The following OPRD1 variants were observed in gnomAD, a reference collection of about 807,000 sequenced individuals.
The protein encoded by OPRD1 is delta-type opioid receptor.
A neutral mutation model predicts 17.5 loss-of-function variants in OPRD1; 19 were observed. The observed-to-expected ratio is 1.09, with a 90% CI of 0.76 to 1.60. The LOEUF is 1.60. OPRD1 is among the 40% of genes most tolerant of loss of function. OPRD1 has a pLI of 0.00. For synonymous variants in OPRD1, 256 were observed against 240.9 expected, an observed-to-expected ratio of 1.06 and a Z score of -0.58; for missense variants, 483 against 547.2, an observed-to-expected ratio of 0.88 and a Z score of 1.17.
chr1:28,830,207 A>G (rs1300399460), intron 1 of OPRD1, among the ~76,000 whole-genome samples: 4 of 152,022 alleles, frequency 2.6e-5, no homozygotes, highest in Non-Finnish European at 5.9e-5. Context: ...TGGCACTCCA[A>G]AACAATTACA....
chr1:28,816,932 G>A (rs888895327), intron 1 of OPRD1, among the ~76,000 whole-genome samples: 2 of 152,062 alleles, frequency 1.3e-5, no homozygotes, highest in East Asian at 1.9e-4. Context: ...TGGGTGGCCC[G>A]ACCCAGAACC....
At chr1:28,862,686 C>T in intron 2 of OPRD1, 56 bp from the exon 3 acceptor site, 2 of 1,515,198 alleles carry the variant, frequency 1.3e-6, no homozygotes, top group East Asian at 2.3e-5. Context: ...AGGTGGGGGC[C>T]CCTTAGGCAC....
At chr1:28,848,947 C>T (rs2088976086) in intron 1 of OPRD1, among the ~76,000 whole-genome samples, 1 of 152,130 alleles carries the variant, frequency 6.6e-6, no homozygotes. Flanking sequence ...AGTACTGGGA[C>T]TGTTAGGCAC....
At position 28,864,135 on chromosome 1, in the gene OPRD1, G is replaced by C. The variant is rs1459195857; in HGVS notation, c.*852G>C. 1 of 152,324 alleles carries C rather than the reference G, an allele frequency of 6.6e-6. No individual in the cohort carries two copies. The highest frequency in any genetic ancestry group is 1.9e-4 in the East Asian group (1 of 5,186). The allele number at this position is 152,324 out of a possible 1,614,324, so 9.4% of individuals were successfully genotyped here. On this transcript the variant is annotated 3_prime_UTR_variant, in exon 3 of 3. Transcript: ENST00000234961. ...AATACAAAATTAGCCAGGCATGGTG[G>C]TGTGTACCTGCAGGCCTAGCTCCTT... is the stretch of plus-strand genomic sequence containing the variant.
intron 1 of OPRD1, among the ~76,000 whole-genome samples, chr1:28,844,961 G>T (rs1423044324): frequency 5.3e-5 from 8 of 152,022 alleles, no homozygotes; most frequent in Admixed American, 5.2e-4. Flanking sequence ...GGAGAGACTG[G>T]TCTCAAACTC....
chr1:28,831,193 C>G (rs950772998), intron 1 of OPRD1, among the ~76,000 whole-genome samples: 11 of 152,200 alleles, frequency 7.2e-5, no homozygotes, highest in Non-Finnish European at 1.2e-4. Context: ...CTCCTTCCAC[C>G]TGCCTAGGCC....
rs1043906197 is a variant in OPRD1 at position 28,868,317 on chromosome 1, TTAA to T, written c.*5038_*5040del. On this transcript the variant is annotated 3_prime_UTR_variant, in exon 3 of 3. Transcript: ENST00000234961. ...TCTCTAATACGATCATCAGCCTCAC[TTAA>T]TAAGAGTCCTAGCTTTGCCGAATTC... is the stretch of plus-strand genomic sequence containing the variant. The T allele has an allele frequency of 6.6e-6, 1 of 152,206 alleles. No individual in the cohort carries two copies. Among genetic ancestry groups the T allele is most frequent in the African/African-American group, 2.4e-5 (1 of 41,440 alleles). 9.4% of individuals were successfully genotyped at this position (152,206 alleles called of 1,614,324 possible). A position where few individuals can be genotyped will look rare whatever the true frequency, so the allele number is the denominator to read the frequency against.
At chr1:28,850,777 G>T (rs1166522543) in intron 1 of OPRD1, among the ~76,000 whole-genome samples, 2 of 138,806 alleles carry the variant, frequency 1.4e-5, no homozygotes, top group Non-Finnish European at 3.1e-5. Context: ...AGCAAGATCT[G>T]TCTCAAAATA....
intron 1 of OPRD1, among the ~76,000 whole-genome samples, chr1:28,835,594 C>G (rs1463743306): frequency 1.3e-5 from 2 of 152,150 alleles, no homozygotes; most frequent in Admixed American, 6.5e-5. Flanking sequence ...GGAGGGCAAC[C>G]ACCCTTTGTC....
At chr1:28,841,748 C>G (rs1021600656) in intron 1 of OPRD1, among the ~76,000 whole-genome samples, 5 of 151,814 alleles carry the variant, frequency 3.3e-5, no homozygotes, top group East Asian at 3.9e-4. Context: ...GAGTCTCGCT[C>G]TGTCACCCAG....
intron 1 of OPRD1, among the ~76,000 whole-genome samples, chr1:28,841,760 C>G (rs1229182278): frequency 6.6e-6 from 1 of 151,856 alleles, no homozygotes; most frequent in African/African-American, 2.4e-5. Flanking sequence ...GTCACCCAGA[C>G]TGGAGTGCAG....
intron 1 of OPRD1, among the ~76,000 whole-genome samples, chr1:28,855,792 C>T (rs764194215): frequency 8.5e-5 from 13 of 152,202 alleles, no homozygotes; most frequent in Non-Finnish European, 1.8e-4. Flanking sequence ...GTTGAGACCG[C>T]CTCCCACACA....
At chr1:28,843,218 C>A (rs2088909187) in intron 1 of OPRD1, among the ~76,000 whole-genome samples, 1 of 152,170 alleles carries the variant, frequency 6.6e-6, no homozygotes, top group African/African-American at 2.4e-5. Context: ...ACCCCACTCC[C>A]AAGCTTAGAA....
chr1:28,829,721 A>C (rs1193938925), intron 1 of OPRD1, among the ~76,000 whole-genome samples: 2 of 132,380 alleles, frequency 1.5e-5, no homozygotes, highest in Admixed American at 1.5e-4. Flanking sequence ...TTTTCTTTTT[A>C]TCTTCTGAGA....
chr1:28,822,137 G>T (rs1199520573), intron 1 of OPRD1, among the ~76,000 whole-genome samples: 1 of 151,672 alleles, frequency 6.6e-6, no homozygotes, highest in Non-Finnish European at 1.5e-5. Flanking sequence ...TTTTAGTAGA[G>T]ATGGGGTTTC....
intron 1 of OPRD1, among the ~76,000 whole-genome samples, chr1:28,820,823 C>G (rs2124259888): frequency 6.6e-6 from 1 of 151,934 alleles, no homozygotes; most frequent in Non-Finnish European, 1.5e-5. Flanking sequence ...ATATCTCAAA[C>G]TCCTGACCCC....
At chr1:28,817,101 G>T (rs1326065292) in intron 1 of OPRD1, among the ~76,000 whole-genome samples, 1 of 152,092 alleles carries the variant, frequency 6.6e-6, no homozygotes, top group East Asian at 1.9e-4. Flanking sequence ...TCCATGAGAC[G>T]CCTTCAGCCT....
At chr1:28,836,970 A>T (rs1314835646) in intron 1 of OPRD1, among the ~76,000 whole-genome samples, 1 of 152,176 alleles carries the variant, frequency 6.6e-6, no homozygotes, top group African/African-American at 2.4e-5. Context: ...ATTCAAGCTC[A>T]TTACATTTAT....
chr1:28,831,366 G>A (rs1299316511), intron 1 of OPRD1, among the ~76,000 whole-genome samples: 1 of 152,110 alleles, frequency 6.6e-6, no homozygotes, highest in African/African-American at 2.4e-5. Context: ...AAAATTAGCC[G>A]GGCGTGGTGG....
Sources: gnomAD v4.1 joint callset for allele counts (sites outside exome capture counted in the v4.1 genomes callset) on GRCh38, gnomAD v4.1.1 for gene constraint, MANE v1.5 for transcripts, NCBI Gene and HGNC (gene_info 2026-07-23, HGNC 2026-07-21) for gene names.